CNBD1: variants seen among roughly 807,000 people sequenced by gnomAD.
CNBD1 encodes cyclic nucleotide binding domain containing 1, also known as cyclic nucleotide-binding domain-containing protein 1.
Under a neutral mutation model 54.4 loss-of-function variants are expected in CNBD1, and 71 were observed. The observed-to-expected ratio is 1.30, with a 90% CI of 1.08 to 1.59. The LOEUF (loss-of-function observed/expected upper bound fraction) is 1.59, where lower values mean the gene tolerates loss of function less well. Ranked by LOEUF, CNBD1 falls within the 40% of genes most tolerant of loss-of-function variation. The pLI, the probability that CNBD1 is intolerant of heterozygous loss-of-function variation, is 0.00. For synonymous variants in CNBD1, 182 were observed against 170.7 expected (o/e 1.07, Z -0.51); for missense variants, 659 against 518.0 (o/e 1.27, Z -2.64).
chr8:86,985,380 A>T (rs142481537), intron 4 of CNBD1, among the ~76,000 whole-genome samples: 26 of 152,228 alleles, frequency 1.7e-4, no homozygotes, highest in African/African-American at 6.0e-4. Flanking sequence ...TTTTCAACCC[A>T]TGGTGCCTTC....
intron 2 of CNBD1, among the ~76,000 whole-genome samples, chr8:87,427,992 C>T (rs530663695): frequency 1.3e-5 from 2 of 152,114 alleles, no homozygotes; most frequent in East Asian, 3.9e-4. Flanking sequence ...GTAGGGTAGC[C>T]TGATATACTC....
In CNBD1 at chr8:86,889,350, A is replaced by G. The variant is rs1190427762; in HGVS notation, c.158+1739A>G. Among the ~76,000 whole-genome samples, 3 of 152,320 alleles carry G rather than the reference A, an allele frequency of 2.0e-5. No homozygotes were observed. In the East Asian group the frequency reaches 5.8e-4, roughly 29 times the overall value. ...TCTTTAGACAATTTACCAGAAATAC[A>G]TTCACAGGAATTATTTAAAAACTTC... On this transcript the variant is annotated intron_variant, in intron 2 of 10. Transcript: ENST00000518476.
intron 3 of CNBD1, among the ~76,000 whole-genome samples, chr8:86,910,731 C>G (rs1015912929): frequency 6.6e-6 from 1 of 152,014 alleles, no homozygotes; most frequent in South Asian, 2.1e-4. Flanking sequence ...GGGTAATACC[C>G]AAGGTTTGTT....
At chr8:87,340,156 T>C (rs1810036326) in intron 8 of CNBD1, among the ~76,000 whole-genome samples, 1 of 152,150 alleles carries the variant, frequency 6.6e-6, no homozygotes, top group African/African-American at 2.4e-5. Context: ...CTGCATCTAA[T>C]TATATTTGTT....
chr8:87,318,153 T>G (rs2130896674), intron 8 of CNBD1, among the ~76,000 whole-genome samples: 2 of 151,286 alleles, frequency 1.3e-5, no homozygotes, highest in Middle Eastern at 3.5e-3. Context: ...TATGTAATTG[T>G]CTTCTGATTC....
At chr8:87,294,257 A>G (rs1162306180) in intron 8 of CNBD1, among the ~76,000 whole-genome samples, 1 of 152,190 alleles carries the variant, frequency 6.6e-6, no homozygotes, top group Admixed American at 6.5e-5. Flanking sequence ...ATTTGGGAGT[A>G]TTGTATAGAA....
rs190627103 is a variant in CNBD1 at position 87,028,206 on chromosome 8, A to T, written c.431+88452A>T. 1.3e-3 allele frequency among the ~76,000 whole-genome samples: 202 copies of T among 152,316 alleles called. 1 individual carries two copies. Among genetic ancestry groups the T allele is most frequent in the Admixed American group, 9.7e-3 (149 of 15,298 alleles). On this transcript the variant is annotated intron_variant, in intron 4 of 10. Coordinates refer to ENST00000518476, the MANE Select transcript of CNBD1 (RefSeq NM_173538.3). Reference sequence around the variant, plus strand: ...AGAGCAGATCCTGCTACCTGGGCCCACAAAGGACACACACACCTATCCAGA... The same window carrying T: ...AGAGCAGATCCTGCTACCTGGGCCCTCAAAGGACACACACACCTATCCAGA...
chr8:87,007,598 G>C (rs1170062714), intron 4 of CNBD1, among the ~76,000 whole-genome samples: 1 of 151,918 alleles, frequency 6.6e-6, no homozygotes, highest in Admixed American at 6.6e-5. Context: ...TTCATCACCT[G>C]AATAAATGCT....
chr8:86,908,800 T>TTTAGACGGGGTCC (rs1554629463), intron 3 of CNBD1, among the ~76,000 whole-genome samples: 2 of 135,766 alleles, frequency 1.5e-5, no homozygotes, highest in African/African-American at 2.7e-5. Flanking sequence ...TTTTTTTTTT[T>TTTAGACGGGGTCC]TGTGCTGAGG....
intron 3 of CNBD1, among the ~76,000 whole-genome samples, chr8:86,931,457 G>A (rs113455340): frequency 0.059 from 8,639 of 146,166 alleles, 250 homozygotes; most frequent in African/African-American, 0.083. Context: ...GGGCAAGGGG[G>A]TGGCTTATTT....
intron 4 of CNBD1, among the ~76,000 whole-genome samples, chr8:86,976,235 G>A (rs1808340179): frequency 1.1e-5 from 1 of 89,922 alleles, no homozygotes; most frequent in Non-Finnish European, 2.2e-5. Flanking sequence ...TTAGTTTGAT[G>A]CAAGCTCATT....
At chr8:86,933,224 C>T (rs1186808971) in intron 3 of CNBD1, among the ~76,000 whole-genome samples, 2 of 152,148 alleles carry the variant, frequency 1.3e-5, no homozygotes, top group Non-Finnish European at 2.9e-5. Flanking sequence ...TACTCTTAAG[C>T]ATCTCTTGGA....
intron 2 of CNBD1, among the ~76,000 whole-genome samples, chr8:87,410,460 T>A (rs960161262): frequency 2.4e-4 from 37 of 152,132 alleles, no homozygotes; most frequent in Non-Finnish European, 2.9e-5. Flanking sequence ...AGTAACTAAA[T>A]TGCTGCAATT....
chr8:87,173,050 C>T (rs188149823), intron 4 of CNBD1, among the ~76,000 whole-genome samples: 102 of 151,838 alleles, frequency 6.7e-4, no homozygotes, highest in African/African-American at 2.4e-3. Flanking sequence ...ATATTTTTTA[C>T]TTGAGGTTAC....
chr8:87,101,393 G>A (rs116131191), intron 4 of CNBD1, among the ~76,000 whole-genome samples: 2 of 151,696 alleles, frequency 1.3e-5, no homozygotes, highest in African/African-American at 4.8e-5. Context: ...GAAAAAGCAG[G>A]CATTTCACAA....
intron 8 of CNBD1, among the ~76,000 whole-genome samples, chr8:87,334,789 T>C (rs188305814): frequency 2.0e-5 from 3 of 150,546 alleles, no homozygotes; most frequent in South Asian, 4.3e-4. Flanking sequence ...AGTGGCGCAA[T>C]CTCAGCTCAC....
At chr8:87,381,045 A>G (rs1811062581) in intron 10 of CNBD1, among the ~76,000 whole-genome samples, 1 of 152,086 alleles carries the variant, frequency 6.6e-6, no homozygotes, top group Non-Finnish European at 1.5e-5. Flanking sequence ...GTGAGACCAC[A>G]TCAAACTAGA....
intron 5 of CNBD1, among the ~76,000 whole-genome samples, chr8:87,224,812 G>C (rs1814439893): frequency 6.6e-6 from 1 of 150,722 alleles, no homozygotes; most frequent in South Asian, 2.1e-4. Flanking sequence ...GGATGGCATT[G>C]AATCTGTAAA....
intron 8 of CNBD1, among the ~76,000 whole-genome samples, chr8:87,315,848 G>A (rs1333890162): frequency 6.6e-6 from 1 of 152,022 alleles, no homozygotes; most frequent in Non-Finnish European, 1.5e-5. Context: ...AGGTAGCAGA[G>A]AAGATTTGGA....
Sources: gnomAD v4.1 joint callset for allele counts (sites outside exome capture counted in the v4.1 genomes callset) on GRCh38, gnomAD v4.1.1 for gene constraint, MANE v1.5 for transcripts, NCBI Gene and HGNC (gene_info 2026-07-23, HGNC 2026-07-21) for gene names.